CLIC4: variants seen among roughly 807,000 people sequenced by gnomAD.
CLIC4 encodes CLIC family member 4.
Under a neutral mutation model 24.6 loss-of-function variants are expected in CLIC4, and 13 were observed. The observed-to-expected ratio is 0.53, with a 90% CI of 0.34 to 0.84. The LOEUF (loss-of-function observed/expected upper bound fraction) is 0.84. Ranked by LOEUF, CLIC4 falls within the 40% of genes least tolerant of loss-of-function variation. The pLI is 0.01. For synonymous variants in CLIC4, 104 were observed against 111.3 expected (o/e 0.93, Z 0.41); for missense variants, 227 against 301.7 (o/e 0.75, Z 1.83).
At chr1:24,769,157 T>A (rs1639043314) in intron 1 of CLIC4, among the ~76,000 whole-genome samples, 1 of 135,478 alleles carries the variant, frequency 7.4e-6, no homozygotes, top group African/African-American at 2.5e-5. Flanking sequence ...CAAAAAAACA[T>A]AATGTAAGAA....
intron 4 of CLIC4, among the ~76,000 whole-genome samples, chr1:24,839,360 T>A (rs376004413): frequency 2.6e-5 from 4 of 152,150 alleles, no homozygotes; most frequent in Non-Finnish European, 5.9e-5. Context: ...AGTGCAGTGG[T>A]GCTATCTCGG....
At chr1:24,795,079 C>T (rs971036155) in intron 1 of CLIC4, among the ~76,000 whole-genome samples, 2 of 152,074 alleles carry the variant, frequency 1.3e-5, no homozygotes, top group African/African-American at 4.8e-5. Context: ...AACTATTGGG[C>T]TCTAGGCTTT....
intron 4 of CLIC4, among the ~76,000 whole-genome samples, chr1:24,828,218 T>C (rs536714998): frequency 3.3e-5 from 5 of 152,330 alleles, no homozygotes; most frequent in East Asian, 3.9e-4. Flanking sequence ...TTGCTCTTGA[T>C]TTTTGGAATA....
At chr1:24,804,360 G>A (rs1295361427) in intron 2 of CLIC4, among the ~76,000 whole-genome samples, 1 of 148,030 alleles carries the variant, frequency 6.8e-6, no homozygotes, top group Non-Finnish European at 1.5e-5. Context: ...TGTGTGTGGG[G>A]GGTGTGTGTA....
chr1:24,758,822 T>A (rs1186564470), intron 1 of CLIC4, among the ~76,000 whole-genome samples: 1 of 151,960 alleles, frequency 6.6e-6, no homozygotes, highest in Non-Finnish European at 1.5e-5. Flanking sequence ...TTTATTTTTT[T>A]ATTTTTGCTT....
intron 1 of CLIC4, among the ~76,000 whole-genome samples, chr1:24,749,940 T>C (rs1571226055): frequency 6.6e-6 from 1 of 151,972 alleles, no homozygotes; most frequent in South Asian, 2.1e-4. Flanking sequence ...ACAAAAAATA[T>C]AAAAAATTAG....
At chr1:24,776,160 C>T (rs1639138537) in intron 1 of CLIC4, among the ~76,000 whole-genome samples, 1 of 152,100 alleles carries the variant, frequency 6.6e-6, no homozygotes, top group Non-Finnish European at 1.5e-5. Flanking sequence ...TTTAGGGCTC[C>T]CCTGTGCTGG....
chr1:24,829,174 A>T (rs1639816111), intron 4 of CLIC4, among the ~76,000 whole-genome samples: 1 of 152,240 alleles, frequency 6.6e-6, no homozygotes, highest in South Asian at 2.1e-4. Flanking sequence ...AGAGTAGACA[A>T]GTCTGATTAG....
chr1:24,835,146 T>C (rs778742611), intron 4 of CLIC4, among the ~76,000 whole-genome samples: 6 of 152,256 alleles, frequency 3.9e-5, no homozygotes, highest in Non-Finnish European at 7.3e-5. Context: ...AGAAATAAGC[T>C]AACTTGATCA....
At chr1:24,782,417 A>T (rs1457773671) in intron 1 of CLIC4, among the ~76,000 whole-genome samples, 1 of 152,196 alleles carries the variant, frequency 6.6e-6, no homozygotes, top group African/African-American at 2.4e-5. Flanking sequence ...TGGATGCTAT[A>T]GGTAATGCAA....
At chr1:24,807,748 C>G (rs975073465) in intron 2 of CLIC4, among the ~76,000 whole-genome samples, 1 of 152,130 alleles carries the variant, frequency 6.6e-6, no homozygotes, top group Non-Finnish European at 1.5e-5. Flanking sequence ...TCATATCTAA[C>G]AAGACCTTCT....
intron 3 of CLIC4, among the ~76,000 whole-genome samples, chr1:24,814,603 G>A (rs376469092): frequency 1.1e-4 from 17 of 152,326 alleles, no homozygotes; most frequent in Middle Eastern, 3.4e-3. Context: ...GCACAGGACT[G>A]CAATGAGATT....
At position 24,839,933 on chromosome 1, in the gene CLIC4, T is replaced by A. The variant is rs1639925520; in HGVS notation, c.489T>A (p.Ile163=). 6.2e-7 allele frequency: 1 copy of A among 1,613,384 alleles called. No individual in the cohort carries two copies. The highest frequency in any genetic ancestry group is 8.5e-7 in the Non-Finnish European group (1 of 1,179,980). ...EYLNSPLPDE[I]DENSMEDIKF... is the part of the protein sequence containing the mutation. ...TGAATTCTCCTCTCCCTGATGAAAT[T>A]GATGAAAATAGTATGGAGGACATAA... Residue 163 remains isoleucine, a synonymous_variant, in exon 5 of 6, where the codon ATT becomes ATA. Coordinates refer to ENST00000374379, the MANE Select transcript of CLIC4 (RefSeq NM_013943.3).
chr1:24,798,702 C>T (rs1034362325), intron 2 of CLIC4, among the ~76,000 whole-genome samples: 6 of 151,862 alleles, frequency 4.0e-5, no homozygotes, highest in Non-Finnish European at 5.9e-5. Flanking sequence ...CCCTCTCATG[C>T]GGAGCCGAAG....
intron 2 of CLIC4, among the ~76,000 whole-genome samples, chr1:24,798,843 C>A (rs1036704897): frequency 6.6e-6 from 1 of 152,224 alleles, no homozygotes; most frequent in African/African-American, 2.4e-5. Context: ...GACGGGGTTT[C>A]GCTGTGTTGG....
intron 3 of CLIC4, 144 bp downstream of exon 3, chr1:24,814,363 A>G (rs1639647416): frequency 1.0e-6 from 1 of 979,978 alleles, no homozygotes; most frequent in Non-Finnish European, 1.5e-6. Flanking sequence ...CTACACAGAT[A>G]TAAGAATTGG....
intron 4 of CLIC4, among the ~76,000 whole-genome samples, chr1:24,829,054 G>C (rs1294450942): frequency 6.6e-6 from 1 of 152,148 alleles, no homozygotes; most frequent in Non-Finnish European, 1.5e-5. Context: ...GCAATCAAAT[G>C]CCTTTAGTAG....
At chr1:24,781,011 T>C (rs558318706) in intron 1 of CLIC4, among the ~76,000 whole-genome samples, 1 of 140,044 alleles carries the variant, frequency 7.1e-6, no homozygotes, top group East Asian at 2.2e-4. Context: ...CGCTTGAACC[T>C]GGGAAGTGGA....
chr1:24,826,913 TA>T (rs1417706688), intron 3 of CLIC4, 96 bp from the exon 4 acceptor site: 2 of 755,508 alleles, frequency 2.6e-6, no homozygotes, highest in African/African-American at 3.5e-5. Flanking sequence ...TAATAACTAT[TA>T]AAAGACGTCT....
Sources: allele counts gnomAD v4.1 joint callset (sites outside exome capture counted in the v4.1 genomes callset), GRCh38; gene constraint gnomAD v4.1.1; transcripts MANE v1.5; gene names NCBI Gene and HGNC (gene_info 2026-07-23, HGNC 2026-07-21).